Variants in PLXDC2 observed in about 807,000 individuals in gnomAD.
PLXDC2 encodes the protein plexin domain-containing protein 2.
In PLXDC2, 40 loss-of-function variants were observed where a neutral mutation model predicts 68.9. The observed-to-expected ratio is 0.58, with a 90% CI of 0.45 to 0.76. The LOEUF (loss-of-function observed/expected upper bound fraction) is 0.76, where lower values mean the gene tolerates loss of function less well. Among genes scored for constraint, PLXDC2 ranks in the 30% least tolerant of loss-of-function variants. PLXDC2 has a pLI of 0.00. For synonymous variants in PLXDC2, 243 were observed against 234.2 expected (o/e 1.04, Z -0.34); for missense variants, 644 against 661.9 (o/e 0.97, Z 0.30).
intron 4 of PLXDC2, among the ~76,000 whole-genome samples, chr10:20,113,326 C>G (rs146937323): frequency 2.6e-5 from 4 of 152,286 alleles, no homozygotes; most frequent in South Asian, 2.1e-4. Context: ...TCTAAACAAG[C>G]CTTCAAACCC....
At chr10:19,988,980 G>C (rs975333710) in intron 1 of PLXDC2, among the ~76,000 whole-genome samples, 1 of 151,510 alleles carries the variant, frequency 6.6e-6, no homozygotes, top group Admixed American at 6.6e-5. Context: ...ACTTTTAGTA[G>C]AGATGAAATT....
chr10:20,245,589 C>T, intron 13 of PLXDC2, 84 bp downstream of exon 13: 1 of 1,414,064 alleles, frequency 7.1e-7, no homozygotes, highest in Admixed American at 2.2e-5. Flanking sequence ...TTAATATTTA[C>T]CACATGGCTT....
chr10:19,927,123 T>C (rs1833549070), intron 1 of PLXDC2, among the ~76,000 whole-genome samples: 1 of 152,198 alleles, frequency 6.6e-6, no homozygotes, highest in South Asian at 2.1e-4. Context: ...TCATTCAGTT[T>C]GTTTGGAGTG....
intron 1 of PLXDC2, among the ~76,000 whole-genome samples, chr10:19,884,006 T>G (rs1009787308): frequency 6.8e-6 from 1 of 147,832 alleles, no homozygotes; most frequent in Non-Finnish European, 1.5e-5. Flanking sequence ...CAGGTGATCC[T>G]CTCAGCCTCC....
intron 4 of PLXDC2, among the ~76,000 whole-genome samples, chr10:20,093,529 T>C (rs1290254804): frequency 6.6e-6 from 1 of 152,204 alleles, no homozygotes; most frequent in Non-Finnish European, 1.5e-5. Flanking sequence ...CACTCACTTA[T>C]GCTCTACCAA....
chr10:20,189,536 TATATATAC>T (rs1453650620), intron 9 of PLXDC2, among the ~76,000 whole-genome samples: 5 of 30,928 alleles, frequency 1.6e-4, no homozygotes, highest in African/African-American at 2.8e-4. Flanking sequence ...TACACACACA[TATATATAC>T]ACACACACAC....
rs1589646878 is a variant in PLXDC2, at chr10:20,134,508, G to T, written c.542-8787G>T. 2.0e-5 allele frequency among the ~76,000 whole-genome samples: 3 copies of T among 152,098 alleles called. No individual in the cohort carries two copies. The South Asian group carries it at 6.2e-4, about 32-fold the overall frequency. On this transcript the variant is annotated intron_variant, in intron 4 of 13. Coordinates refer to ENST00000377252, the MANE Select transcript of PLXDC2 (RefSeq NM_032812.9). Reference sequence around the variant, plus strand: ...GTAGGCCTACTGCCTGGGTCCACAGGAGCTAACCTGGTGCCTGGGTCTGCA... The same window carrying T: ...GTAGGCCTACTGCCTGGGTCCACAGTAGCTAACCTGGTGCCTGGGTCTGCA...
At chr10:20,171,196 G>A (rs1834441847) in intron 7 of PLXDC2, among the ~76,000 whole-genome samples, 1 of 151,904 alleles carries the variant, frequency 6.6e-6, no homozygotes, top group Admixed American at 6.6e-5. Context: ...ATATTTTCTA[G>A]AACCCAGTGC....
At chr10:19,894,569 AC>A (rs1235168794) in intron 1 of PLXDC2, among the ~76,000 whole-genome samples, 7 of 152,190 alleles carry the variant, frequency 4.6e-5, no homozygotes, top group Admixed American at 3.3e-4. Flanking sequence ...AACAGTGGAT[AC>A]CCAAATATTT....
chr10:20,127,151 G>T (rs1016036857), intron 4 of PLXDC2, among the ~76,000 whole-genome samples: 5 of 152,070 alleles, frequency 3.3e-5, no homozygotes, highest in African/African-American at 1.2e-4. Context: ...GCAGATGGCT[G>T]TCTTTGAGAA....
intron 9 of PLXDC2, among the ~76,000 whole-genome samples, chr10:20,182,564 T>C (rs763960375): frequency 5.3e-5 from 8 of 152,022 alleles, no homozygotes; most frequent in Non-Finnish European, 1.2e-4. Context: ...TGAATATTCA[T>C]GTACAACTAT....
At chr10:20,062,440 T>A (rs1259071480) in intron 3 of PLXDC2, among the ~76,000 whole-genome samples, 1 of 151,666 alleles carries the variant, frequency 6.6e-6, no homozygotes, top group Non-Finnish European at 1.5e-5. Flanking sequence ...AAATAAATAA[T>A]AAAAAATAAA....
intron 1 of PLXDC2, among the ~76,000 whole-genome samples, chr10:19,878,014 A>G (rs1402071862): frequency 2.0e-5 from 3 of 152,242 alleles, no homozygotes; most frequent in Non-Finnish European, 4.4e-5. Context: ...TTTTGAGAAT[A>G]TGCATAGTAA....
At chr10:19,911,006 C>G (rs556395152) in intron 1 of PLXDC2, among the ~76,000 whole-genome samples, 2 of 151,772 alleles carry the variant, frequency 1.3e-5, no homozygotes, top group South Asian at 4.2e-4. Flanking sequence ...GAGACTGAGT[C>G]TCAGAAAACA....
intron 12 of PLXDC2, among the ~76,000 whole-genome samples, chr10:20,227,344 G>T (rs936202288): frequency 6.6e-6 from 1 of 152,034 alleles, no homozygotes; most frequent in African/African-American, 2.4e-5. Flanking sequence ...CAGAGAAGGG[G>T]TATCTAAACA....
chr10:20,063,445 G>C (rs1836139845), intron 3 of PLXDC2, among the ~76,000 whole-genome samples: 1 of 152,098 alleles, frequency 6.6e-6, no homozygotes, highest in South Asian at 2.1e-4. Flanking sequence ...GCCCACTCCA[G>C]ATTCTTAGCT....
intron 3 of PLXDC2, among the ~76,000 whole-genome samples, chr10:20,053,026 G>A (rs1835932077): frequency 6.6e-6 from 1 of 152,072 alleles, no homozygotes; most frequent in Non-Finnish European, 1.5e-5. Context: ...AATATTCTTG[G>A]AAGAGGAGGA....
chr10:20,089,771 A>T (rs1833251847), intron 4 of PLXDC2, among the ~76,000 whole-genome samples: 1 of 152,216 alleles, frequency 6.6e-6, no homozygotes, highest in Non-Finnish European at 1.5e-5. Context: ...AACTTTTACT[A>T]TGTGCTAGTT....
chr10:20,166,951 C>G (rs1834384044), intron 7 of PLXDC2, among the ~76,000 whole-genome samples: 1 of 152,078 alleles, frequency 6.6e-6, no homozygotes, highest in Non-Finnish European at 1.5e-5. Flanking sequence ...CAGATTATGT[C>G]TAAAGTTTGG....
Sources: allele counts gnomAD v4.1 joint callset (sites outside exome capture counted in the v4.1 genomes callset), GRCh38; gene constraint gnomAD v4.1.1; transcripts MANE v1.5; gene names NCBI Gene and HGNC (gene_info 2026-07-23, HGNC 2026-07-21).